The following PIP4K2B variants were observed in gnomAD, a reference collection of about 807,000 sequenced individuals.
The protein encoded by PIP4K2B is phosphatidylinositol 5-phosphate 4-kinase type-2 beta.
In PIP4K2B, 3 loss-of-function variants were observed where a neutral mutation model predicts 42.0. That is an observed-to-expected ratio of 0.07 (90% CI 0.03 to 0.18). PIP4K2B has a LOEUF of 0.18. Ranked by LOEUF, PIP4K2B falls within the 10% of genes least tolerant of loss-of-function variation. The probability of loss-of-function intolerance (pLI) is 1.00; values close to 1 mark genes in which losing one functional copy is unlikely to be tolerated. For missense variants in PIP4K2B, 332 were observed against 562.3 expected, an observed-to-expected ratio of 0.59 and a Z score of 4.14; for synonymous variants, 204 against 210.1, an observed-to-expected ratio of 0.97 and a Z score of 0.25.
intron 1 of PIP4K2B, among the ~76,000 whole-genome samples, chr17:38,798,629 T>C (rs551478449): frequency 1.3e-5 from 2 of 152,336 alleles, no homozygotes; most frequent in East Asian, 3.9e-4. Context: ...TCTCAAATGG[T>C]TAATAGCCAT....
In PIP4K2B at chr17:38,799,430, G is replaced by A. The variant is rs1555546982; in HGVS notation, c.-6C>T. 1.5e-5 allele frequency: 23 copies of A among 1,574,840 alleles called. No homozygotes were observed. In the South Asian group the frequency reaches 2.5e-4, roughly 17 times the overall value. ...CTGGTGCAGTTGGACGACATGCCCG[G>A]GGCGGCGGCGGCGGCGGCGAAAGAG... On this transcript the variant is annotated 5_prime_UTR_variant, in exon 1 of 10. Transcript: ENST00000619039. This position sits in a 1 kb window ranked among gnomAD's most constrained non-coding sequence, Gnocchi z 4.4.
intron 1 of PIP4K2B, among the ~76,000 whole-genome samples, chr17:38,795,176 A>G (rs1910588553): frequency 6.6e-6 from 1 of 151,954 alleles, no homozygotes; most frequent in Non-Finnish European, 1.5e-5. Flanking sequence ...TGCAAATCAT[A>G]TATCTGATAA....
chr17:38,794,609 TAAA>T lies in PIP4K2B; in HGVS notation c.159+4654_159+4656del, dbSNP rs34374571. 9.3e-4 allele frequency among the ~76,000 whole-genome samples: 32 copies of T among 34,234 alleles called. No homozygotes were observed. In the East Asian group the frequency reaches 0.012, roughly 13 times the overall value. The allele number at this position is 34,234 out of a possible 152,430, so 22.5% of individuals were successfully genotyped here. On this transcript the variant is annotated intron_variant, in intron 1 of 9. Transcript: ENST00000619039. ...GCAATACAGAGAAACCCCAATTCAT[TAAA>T]AAAAAAAAAAAAAAAAAAAAGAGCT...
chr17:38,789,362 C>T (rs1340674970), intron 1 of PIP4K2B, among the ~76,000 whole-genome samples: 1 of 152,236 alleles, frequency 6.6e-6, no homozygotes, highest in East Asian at 1.9e-4. Flanking sequence ...CACAGATGTC[C>T]TCTCCCATCA....
chr17:38,789,156 A>C (rs906039385), intron 1 of PIP4K2B, among the ~76,000 whole-genome samples: 2 of 152,170 alleles, frequency 1.3e-5, no homozygotes, highest in South Asian at 2.1e-4. Context: ...CCAGTTCCTG[A>C]TGTCAAGTCC....
intron 1 of PIP4K2B, among the ~76,000 whole-genome samples, chr17:38,790,569 C>T (rs967130450): frequency 6.6e-6 from 1 of 152,208 alleles, no homozygotes; most frequent in Non-Finnish European, 1.5e-5. Flanking sequence ...AGCGATTCTC[C>T]TGCCTCAGTC....
At chr17:38,795,393 G>A (rs1479817829) in intron 1 of PIP4K2B, among the ~76,000 whole-genome samples, 1 of 152,120 alleles carries the variant, frequency 6.6e-6, no homozygotes, top group African/African-American at 2.4e-5. Flanking sequence ...GACCACTTGA[G>A]GCCAGGAGTT....
Position 38,789,903 on chromosome 17 carries a change from C to T in PIP4K2B, c.160-2983G>A, listed in dbSNP as rs182709027. On this transcript the variant is annotated intron_variant, in intron 1 of 9. Transcript: ENST00000619039. ...ATTCCATTTATATGAAATTCTACAG[C>T]AGGCATCTATAATGAGAGAAATGAG... is the stretch of plus-strand genomic sequence containing the variant. Among the ~76,000 whole-genome samples, 3 of 152,066 alleles carry T rather than the reference C, an allele frequency of 2.0e-5. No homozygotes were observed. The East Asian group carries it at 5.8e-4, about 29-fold the overall frequency.
At chr17:38,770,937 T>C (rs1908990034) in intron 8 of PIP4K2B, 77 bp downstream of exon 8, 1 of 1,533,484 alleles carries the variant, frequency 6.5e-7, no homozygotes, top group Non-Finnish European at 9.0e-7. Flanking sequence ...CAGATGCCCC[T>C]AGAAGGATCT....
chr17:38,771,946 C>T (rs917175268), intron 7 of PIP4K2B, among the ~76,000 whole-genome samples: 1 of 152,074 alleles, frequency 6.6e-6, no homozygotes, highest in Non-Finnish European at 1.5e-5. Flanking sequence ...GGGAGGATCG[C>T]GTGAGCCCAG....
In PIP4K2B at chr17:38,769,694, C is replaced by A; in HGVS notation, c.1248G>T (p.Thr416=). Residue 416 remains threonine (T), a synonymous_variant, in exon 10 of 10, where the codon ACG becomes ACT. Transcript: ENST00000619039. ...RFNEFMSNIL[T] ...TCTGGCTGAAGGTAGAAGAGAACTA[C>A]GTCAGGATGTTGGACATAAACTCGT... is the stretch of plus-strand genomic sequence containing the variant. The A allele has an allele frequency of 6.5e-7, 1 of 1,541,546 alleles. No individual in the cohort carries two copies. Among genetic ancestry groups the A allele is most frequent in the Non-Finnish European group, 9.0e-7 (1 of 1,113,708 alleles).
In PIP4K2B at chr17:38,799,505, A is replaced by G. The variant is rs2143519179; in HGVS notation, c.-81T>C. The stretch of plus-strand genomic sequence containing the variant: ...GCCAGCGGCCTCAGGCCTCCCCCGG[A>G]CCGATCCCCACCCCCGCTCCCTCAC... On this transcript the variant is annotated 5_prime_UTR_variant, in exon 1 of 10. Transcript: ENST00000619039. The surrounding 1 kb of genome is among the most constrained non-coding windows in gnomAD (Gnocchi z 4.4). 7.3e-7 allele frequency: 1 copy of G among 1,374,734 alleles called. No homozygotes were observed. The highest frequency in any genetic ancestry group is 9.3e-7 in the Non-Finnish European group (1 of 1,070,936). 85.2% of individuals were successfully genotyped at this position (1,374,734 alleles called of 1,614,324 possible).
intron 7 of PIP4K2B, among the ~76,000 whole-genome samples, chr17:38,774,860 C>T (rs1019493252): frequency 6.6e-6 from 1 of 152,094 alleles, no homozygotes; most frequent in Non-Finnish European, 1.5e-5. Flanking sequence ...CTGGAGAACC[C>T]CAACTGATAT....
rs943558596 is a variant in PIP4K2B at position 38,767,544 on chromosome 17, C to T, written c.*2147G>A. 1 of 152,178 alleles carries T rather than the reference C, an allele frequency of 6.6e-6. No homozygotes were observed. The highest frequency in any genetic ancestry group is 1.5e-5 in the Non-Finnish European group (1 of 68,018). The allele number at this position is 152,178 out of a possible 1,614,324, so 9.4% of individuals were successfully genotyped here. On this transcript the variant is annotated 3_prime_UTR_variant, in exon 10 of 10. Coordinates refer to ENST00000619039, the MANE Select transcript of PIP4K2B (RefSeq NM_003559.5). ...ACAAACATACACACACACACACAAACTCAATGTTAAACAAGTTAGATACCT... is the reference window on the plus strand; with the variant it reads ...ACAAACATACACACACACACACAAATTCAATGTTAAACAAGTTAGATACCT...
rs192124924 is a variant in PIP4K2B, at chr17:38,769,544, G to A, written c.*147C>T. On this transcript the variant is annotated 3_prime_UTR_variant, in exon 10 of 10. Coordinates refer to ENST00000619039, the MANE Select transcript of PIP4K2B (RefSeq NM_003559.5). Reference sequence around the variant, plus strand: ...CTCTTCAGCTAAAGTCTCTTTCGGTGTCACAGGCTGCAGTCTCATTGCTAA... The same window carrying A: ...CTCTTCAGCTAAAGTCTCTTTCGGTATCACAGGCTGCAGTCTCATTGCTAA... The A allele has an allele frequency of 5.9e-5, 41 of 697,598 alleles. No homozygotes were observed. The East Asian group carries it at 9.6e-4, about 16-fold the overall frequency. The allele number at this position is 697,598 out of a possible 1,614,324, so 43.2% of individuals were successfully genotyped here.
At chr17:38,774,813 A>G (rs752214971) in intron 7 of PIP4K2B, among the ~76,000 whole-genome samples, 28 of 152,182 alleles carry the variant, frequency 1.8e-4, no homozygotes, top group Non-Finnish European at 3.7e-4. Context: ...ATCTTGGTAT[A>G]AAGAGATTTA....
At position 38,769,244 on chromosome 17, in the gene PIP4K2B, A is replaced by G. The variant is rs187338605; in HGVS notation, c.*447T>C. The G allele has an allele frequency of 2.4e-3, 414 of 170,588 alleles. 1 individual carries two copies. Among genetic ancestry groups the G allele is most frequent in the Non-Finnish European group, 4.2e-3 (329 of 79,044 alleles). 10.6% of individuals were successfully genotyped at this position (170,588 alleles called of 1,614,324 possible). On this transcript the variant is annotated 3_prime_UTR_variant, in exon 10 of 10. Transcript: ENST00000619039. Reference sequence around the variant, plus strand: ...GCTGGGTCTACCGGGTATCTCTTTAATTGAAGGGAACTGAGAGCTCAGCAA... The same window carrying G: ...GCTGGGTCTACCGGGTATCTCTTTAGTTGAAGGGAACTGAGAGCTCAGCAA...
intron 5 of PIP4K2B, among the ~76,000 whole-genome samples, chr17:38,778,784 G>C (rs1598047834): frequency 6.6e-6 from 1 of 152,214 alleles, no homozygotes. Flanking sequence ...CTTCCTGGAA[G>C]TAGTATTTGG....
intron 4 of PIP4K2B, 21 bp from the exon 5 acceptor site, chr17:38,779,550 A>C (rs1331298015): frequency 6.2e-7 from 1 of 1,608,148 alleles, no homozygotes; most frequent in East Asian, 2.2e-5. Flanking sequence ...AAGGAAGAAG[A>C]GAGAGGACTA....
Sources: allele counts gnomAD v4.1 joint callset (sites outside exome capture counted in the v4.1 genomes callset), GRCh38; gene constraint gnomAD v4.1.1; non-coding constraint Gnocchi (gnomAD v3.1); transcripts MANE v1.5; gene names NCBI Gene and HGNC (gene_info 2026-07-23, HGNC 2026-07-21).